The following TENM3 variants were observed in gnomAD, a reference collection of about 807,000 sequenced individuals.
The protein encoded by TENM3 is teneurin transmembrane protein 3, also known as teneurin-3.
In TENM3, 63 loss-of-function variants were observed where a neutral mutation model predicts 255.1. The observed-to-expected ratio is 0.25, with a 90% CI of 0.20 to 0.30. The LOEUF (loss-of-function observed/expected upper bound fraction) is 0.30, where lower values mean the gene tolerates loss of function less well. Ranked by LOEUF, TENM3 falls within the 10% of genes least tolerant of loss-of-function variation. The pLI, the probability that TENM3 is intolerant of heterozygous loss-of-function variation, is 1.00. For synonymous variants in TENM3, 1,306 were observed against 1,322.3 expected, an observed-to-expected ratio of 0.99 and a Z score of 0.27; for missense variants, 2,929 against 3,461.1, an observed-to-expected ratio of 0.85 and a Z score of 3.86.
At chr4:181,468,151 G>C in the TENM3 span, among the ~76,000 whole-genome samples, 68 of 75,766 alleles carry the variant, frequency 9.0e-4, no homozygotes, top group Non-Finnish European at 1.4e-3. Context: ...AAAAAAATTG[G>C]TGTGGTGGCG....
intron 1 of TENM3, among the ~76,000 whole-genome samples, chr4:182,293,542 A>C (rs1215522868): frequency 6.6e-6 from 1 of 152,208 alleles, no homozygotes; most frequent in Non-Finnish European, 1.5e-5. Context: ...ATTTGAACTG[A>C]AGAACAATGA....
intron 3 of TENM3, among the ~76,000 whole-genome samples, chr4:182,571,284 G>A (rs1744332249): frequency 6.6e-6 from 1 of 152,156 alleles, no homozygotes; most frequent in African/African-American, 2.4e-5. Flanking sequence ...CCAGCACTTT[G>A]GGAGGCCAAG....
chr4:181,646,309 T>C, the TENM3 span, among the ~76,000 whole-genome samples: 1 of 152,234 alleles, frequency 6.6e-6, no homozygotes, highest in Non-Finnish European at 1.5e-5. Flanking sequence ...ACAGAAATTT[T>C]ATCTCAAGAA....
At chr4:182,741,055 AATCCC>A (rs1171595658) in intron 18 of TENM3, among the ~76,000 whole-genome samples, 2 of 152,132 alleles carry the variant, frequency 1.3e-5, no homozygotes, top group African/African-American at 4.8e-5. Context: ...GGGCACCTGT[AATCCC>A]AGCTACTCAG....
chr4:181,756,120 T>C, the TENM3 span, among the ~76,000 whole-genome samples: 1 of 152,108 alleles, frequency 6.6e-6, no homozygotes, highest in Non-Finnish European at 1.5e-5. Context: ...AGCAAGTAAG[T>C]GCATGTAAAG....
At chr4:181,780,824 G>T in the TENM3 span, among the ~76,000 whole-genome samples, 226 of 152,198 alleles carry the variant, frequency 1.5e-3, no homozygotes, top group South Asian at 0.015. Flanking sequence ...GGATCCAGTT[G>T]CAGCTTTCTC....
chr4:182,393,634 T>A (rs2150992166), intron 3 of TENM3, among the ~76,000 whole-genome samples: 1 of 152,336 alleles, frequency 6.6e-6, no homozygotes, highest in Admixed American at 6.5e-5. Context: ...GGATTTAGCA[T>A]TTTTAAGATA....
upstream of TENM3, among the ~76,000 whole-genome samples, chr4:182,140,727 G>A (rs1306244021): frequency 1.3e-5 from 2 of 152,146 alleles, no homozygotes; most frequent in African/African-American, 4.8e-5. Flanking sequence ...CTGCTACCCG[G>A]CCCCTTCAGT....
chr4:181,660,520 C>T, the TENM3 span, among the ~76,000 whole-genome samples: 9 of 152,124 alleles, frequency 5.9e-5, no homozygotes, highest in East Asian at 5.8e-4. Flanking sequence ...ATTGGAAAAA[C>T]GGCAAATCCT....
chr4:181,768,322 T>C, the TENM3 span, among the ~76,000 whole-genome samples: 1 of 152,252 alleles, frequency 6.6e-6, no homozygotes, highest in East Asian at 1.9e-4. Flanking sequence ...CGCTAACTGG[T>C]CTAAAATTCA....
At chr4:182,563,157 G>A (rs368525653) in intron 3 of TENM3, among the ~76,000 whole-genome samples, 5 of 152,106 alleles carry the variant, frequency 3.3e-5, no homozygotes, top group Non-Finnish European at 5.9e-5. Context: ...GCTCACACCC[G>A]TAATCCCAAC....
intron 3 of TENM3, among the ~76,000 whole-genome samples, chr4:182,494,733 C>T (rs1162170184): frequency 1.3e-5 from 2 of 151,976 alleles, no homozygotes; most frequent in Non-Finnish European, 2.9e-5. Flanking sequence ...CATTTTTTCC[C>T]TGATTGAATA....
In TENM3 at chr4:182,250,054, CTTTTTT is replaced by C. The variant is rs957483629; in HGVS notation, c.-76+6589_-76+6594del. Reference sequence around the variant, plus strand: ...CATTTTTCTTTTTCTTTTCTTTTTTCTTTTTTTTTTTTTTTTGAGACGGAGTCTTGC... The same window carrying C: ...CATTTTTCTTTTTCTTTTCTTTTTTCTTTTTTTTTTGAGACGGAGTCTTGC... On this transcript the variant is annotated intron_variant, in intron 1 of 27. Transcript: ENST00000511685. Among the ~76,000 whole-genome samples, 170 of 128,446 alleles carry C rather than the reference CTTTTTT, an allele frequency of 1.3e-3. 1 individual carries two copies. The highest frequency in any genetic ancestry group is 4.4e-3 in the African/African-American group (148 of 33,530). 84.3% of individuals were successfully genotyped at this position (128,446 alleles called of 152,430 possible).
the TENM3 span, among the ~76,000 whole-genome samples, chr4:181,836,258 C>A: frequency 6.6e-6 from 1 of 151,728 alleles, no homozygotes; most frequent in African/African-American, 2.4e-5. Flanking sequence ...AGTCAAAATA[C>A]TCATATTCTT....
intron 1 of TENM3, among the ~76,000 whole-genome samples, chr4:182,276,209 A>G (rs144345989): frequency 0.017 from 2,630 of 152,318 alleles, 44 homozygotes; most frequent in Non-Finnish European, 0.024. Context: ...ATTGGAGCAG[A>G]CACATCATTT....
chr4:182,341,854 A>G (rs1366198057), intron 2 of TENM3, among the ~76,000 whole-genome samples: 3 of 152,232 alleles, frequency 2.0e-5, no homozygotes, highest in Non-Finnish European at 4.4e-5. Context: ...TCACAGAATC[A>G]GCTGCTTTTC....
rs193152856 is a variant in TENM3 at position 182,334,138 on chromosome 4, G to A, written c.232+9886G>A. Among the ~76,000 whole-genome samples, 108 of 149,504 alleles carry A rather than the reference G, an allele frequency of 7.2e-4. 1 individual carries two copies. Among genetic ancestry groups the A allele is most frequent in the African/African-American group, 2.6e-3 (104 of 40,116 alleles). ...CTGTTTAGAATAATGCCTGATACCT[G>A]TTATTAATATCTACTGCTTGGAAGT... On this transcript the variant is annotated intron_variant, in intron 2 of 27. Transcript: ENST00000511685.
At chr4:181,809,779 G>A in the TENM3 span, among the ~76,000 whole-genome samples, 2,039 of 152,184 alleles carry the variant, frequency 0.013, 12 homozygotes, top group South Asian at 0.025. Context: ...GTCCTTATAA[G>A]CAGGAAGCAA....
At chr4:182,045,124 G>A in the TENM3 span, among the ~76,000 whole-genome samples, 1 of 152,086 alleles carries the variant, frequency 6.6e-6, no homozygotes, top group Non-Finnish European at 1.5e-5. Flanking sequence ...TTAAATCTGT[G>A]GGACACGGTG....
Sources: allele counts gnomAD v4.1 joint callset (sites outside exome capture counted in the v4.1 genomes callset), GRCh38; gene constraint gnomAD v4.1.1; transcripts MANE v1.5; gene names NCBI Gene and HGNC (gene_info 2026-07-23, HGNC 2026-07-21).